DPP10: variants seen among roughly 807,000 people sequenced by gnomAD.
The protein encoded by DPP10 is inactive dipeptidyl peptidase 10.
Under a neutral mutation model 120.9 loss-of-function variants are expected in DPP10, and 33 were observed. The ratio of observed to expected loss-of-function variants is 0.27; its 90% CI spans 0.21 to 0.37. The LOEUF is 0.37. DPP10 is among the 10% of genes least tolerant of loss of function. The probability of loss-of-function intolerance (pLI) is 1.00; values close to 1 mark genes in which losing one functional copy is unlikely to be tolerated. For missense variants in DPP10, 816 were observed against 942.8 expected (o/e 0.87, Z 1.76); for synonymous variants, 337 against 326.1 (o/e 1.03, Z -0.36).
At chr2:114,561,627 C>G (rs1688773133) in intron 1 of DPP10, among the ~76,000 whole-genome samples, 2 of 151,860 alleles carry the variant, frequency 1.3e-5, no homozygotes, top group South Asian at 4.1e-4. Flanking sequence ...CCTCCTTTAG[C>G]ATCTAGTCAT....
chr2:115,670,851 G>C (rs2089820222), intron 5 of DPP10, among the ~76,000 whole-genome samples: 1 of 152,068 alleles, frequency 6.6e-6, no homozygotes, highest in Non-Finnish European at 1.5e-5. Context: ...ATCTCCCTCT[G>C]ACTTCAAAAT....
chr2:115,198,795 G>T (rs1012271089), intron 1 of DPP10, among the ~76,000 whole-genome samples: 1 of 152,000 alleles, frequency 6.6e-6, no homozygotes, highest in Non-Finnish European at 1.5e-5. Flanking sequence ...TCAAACTCCA[G>T]CATGGGGTTA....
chr2:115,133,093 C>A (rs9308709), intron 1 of DPP10, among the ~76,000 whole-genome samples: 138,263 of 138,266 alleles, frequency 1, 69,130 homozygotes, highest in Non-Finnish European at 1. Context: ...CAAAATCTCC[C>A]AATCTATATA....
intron 1 of DPP10, among the ~76,000 whole-genome samples, chr2:114,787,508 C>T (rs17043563): frequency 0.02 from 2,978 of 152,272 alleles, 109 homozygotes; most frequent in African/African-American, 0.068. Flanking sequence ...TGCTAATAAA[C>T]CAATGACTGC....
rs540545304 is a variant in DPP10, at chr2:115,476,807, G to C, written c.272-22703G>C. ...AAACTGAATTTAGCAACATGTTTAAGAGATTATACACCATGACCCACTGGG... is the reference window on the plus strand; with the variant it reads ...AAACTGAATTTAGCAACATGTTTAACAGATTATACACCATGACCCACTGGG... On this transcript the variant is annotated intron_variant, in intron 3 of 25. Transcript: ENST00000410059. 3.3e-5 allele frequency among the ~76,000 whole-genome samples: 5 copies of C among 152,242 alleles called. No homozygotes were observed. The East Asian group carries it at 9.7e-4, about 29-fold the overall frequency.
chr2:114,556,269 A>ATATATATATATATAT (rs70937289), intron 1 of DPP10, among the ~76,000 whole-genome samples: 1 of 139,432 alleles, frequency 7.2e-6, no homozygotes, highest in African/African-American at 2.7e-5. Flanking sequence ...ATATATATAT[A>ATATATATATATATAT]GGCAAATAAT....
intron 1 of DPP10, among the ~76,000 whole-genome samples, chr2:115,282,874 G>A (rs1448824621): frequency 6.6e-6 from 1 of 151,958 alleles, no homozygotes; most frequent in Non-Finnish European, 1.5e-5. Flanking sequence ...GGTTTGAATA[G>A]CAATATCTTA....
intron 1 of DPP10, among the ~76,000 whole-genome samples, chr2:115,293,987 C>G (rs2060773303): frequency 6.6e-6 from 1 of 152,120 alleles, no homozygotes; most frequent in Non-Finnish European, 1.5e-5. Flanking sequence ...CAAGAAATAT[C>G]TTTCTTATAA....
At chr2:115,589,540 T>G (rs1422566118) in intron 5 of DPP10, among the ~76,000 whole-genome samples, 3 of 152,128 alleles carry the variant, frequency 2.0e-5, no homozygotes, top group African/African-American at 7.2e-5. Context: ...AAATATAACT[T>G]ATGAACAATT....
rs541670122 is a variant in DPP10, at chr2:115,137,862, A to C, written c.61-171377A>C. Among the ~76,000 whole-genome samples, 146 of 152,288 alleles carry C rather than the reference A, an allele frequency of 9.6e-4. 1 individual carries two copies. Among genetic ancestry groups the C allele is most frequent in the African/African-American group, 3.3e-3 (138 of 41,564 alleles). Reference sequence around the variant, plus strand: ...AGAACAAGAGCCAATTCAAAGTTCTATTCAACTTTGAGACTTAGGCTGCCA... The same window carrying C: ...AGAACAAGAGCCAATTCAAAGTTCTCTTCAACTTTGAGACTTAGGCTGCCA... On this transcript the variant is annotated intron_variant, in intron 1 of 25. Coordinates refer to ENST00000410059, the MANE Select transcript of DPP10 (RefSeq NM_020868.6).
At chr2:115,100,176 G>A (rs1559094509) in intron 1 of DPP10, among the ~76,000 whole-genome samples, 1 of 152,154 alleles carries the variant, frequency 6.6e-6, no homozygotes, top group Non-Finnish European at 1.5e-5. Context: ...TGCATGCAGT[G>A]GTTCACACCT....
chr2:115,357,117 G>A (rs1363945158), intron 3 of DPP10, among the ~76,000 whole-genome samples: 3 of 152,158 alleles, frequency 2.0e-5, no homozygotes, highest in Non-Finnish European at 4.4e-5. Flanking sequence ...TGAAAATGCA[G>A]TATTTGATTT....
intron 5 of DPP10, among the ~76,000 whole-genome samples, chr2:115,566,546 A>G (rs1252061984): frequency 6.6e-6 from 1 of 152,166 alleles, no homozygotes; most frequent in African/African-American, 2.4e-5. Context: ...AGATTTGGCC[A>G]GTGGGATCCA....
At chr2:115,604,855 A>G (rs993644659) in intron 5 of DPP10, among the ~76,000 whole-genome samples, 5 of 152,192 alleles carry the variant, frequency 3.3e-5, no homozygotes, top group Non-Finnish European at 5.9e-5. Context: ...TAAAGTCTGC[A>G]CATCTCCAAT....
chr2:115,827,893 G>T (rs909014249), intron 21 of DPP10, among the ~76,000 whole-genome samples: 45 of 151,886 alleles, frequency 3.0e-4, no homozygotes, highest in Non-Finnish European at 6.3e-4. Flanking sequence ...CACTGCACCC[G>T]GCCTAAAAGT....
chr2:114,475,780 G>C (rs1304305018), intron 1 of DPP10, among the ~76,000 whole-genome samples: 2 of 152,208 alleles, frequency 1.3e-5, no homozygotes, highest in African/African-American at 4.8e-5. Context: ...CCTAGGAACT[G>C]TAAAATAACA....
chr2:115,218,826 A>G (rs1333219597), intron 1 of DPP10, among the ~76,000 whole-genome samples: 1 of 152,142 alleles, frequency 6.6e-6, no homozygotes, highest in African/African-American at 2.4e-5. Context: ...TTGAACAGAA[A>G]ATATTACTGA....
At chr2:114,507,241 G>T (rs1280653424) in intron 1 of DPP10, among the ~76,000 whole-genome samples, 1 of 151,876 alleles carries the variant, frequency 6.6e-6, no homozygotes. Flanking sequence ...TAGAGACAGA[G>T]TTTTACCGTG....
intron 5 of DPP10, among the ~76,000 whole-genome samples, chr2:115,540,027 G>T (rs376139036): frequency 6.6e-6 from 1 of 151,864 alleles, no homozygotes; most frequent in Non-Finnish European, 1.5e-5. Context: ...CAAAGAGAGT[G>T]TATAGTGTGG....
Sources: gnomAD v4.1 joint callset for allele counts (sites outside exome capture counted in the v4.1 genomes callset) on GRCh38, gnomAD v4.1.1 for gene constraint, MANE v1.5 for transcripts, NCBI Gene and HGNC (gene_info 2026-07-23, HGNC 2026-07-21) for gene names.